NSD2: variants seen among roughly 807,000 people sequenced by gnomAD.
NSD2 encodes histone-lysine N-methyltransferase NSD2.
In NSD2, 12 loss-of-function variants were observed where a neutral mutation model predicts 139.0. The ratio of observed to expected loss-of-function variants is 0.09; its 90% CI spans 0.06 to 0.14. NSD2 has a LOEUF of 0.14. Ranked by LOEUF, NSD2 falls within the 10% of genes least tolerant of loss-of-function variation. The pLI, the probability that NSD2 is intolerant of heterozygous loss-of-function variation, is 1.00. For missense variants in NSD2, 1,155 were observed against 1,745.0 expected, an observed-to-expected ratio of 0.66 and a Z score of 6.02; for synonymous variants, 669 against 648.7, an observed-to-expected ratio of 1.03 and a Z score of -0.48.
In NSD2 at chr4:1,972,384, G is replaced by T. The variant is rs1035272432; in HGVS notation, c.3373-2479G>T. Among the ~76,000 whole-genome samples, 2 of 152,208 alleles carry T rather than the reference G, an allele frequency of 1.3e-5. No homozygotes were observed. The highest frequency in any genetic ancestry group is 4.8e-5 in the African/African-American group (2 of 41,448). On this transcript the variant is annotated intron_variant, in intron 18 of 21. Transcript: ENST00000508803. This position sits in a 1 kb window ranked among gnomAD's most constrained non-coding sequence, Gnocchi z 4.0. ...TAGGTGCGATAAAAATAGCAAAAAC[G>T]TTTAAATATACCTGGACAGGCAATT...
chr4:1,900,610 T>C lies in NSD2; in HGVS notation c.-29-16T>C. 1 of 1,471,302 alleles carries C rather than the reference T, an allele frequency of 6.8e-7. No homozygotes were observed. Among genetic ancestry groups the C allele is most frequent in the Non-Finnish European group, 9.1e-7 (1 of 1,103,336 alleles). The allele number at this position is 1,471,302 out of a possible 1,614,324, so 91.1% of individuals were successfully genotyped here. On this transcript the variant is annotated splice_polypyrimidine_tract_variant and intron_variant, in intron 1 of 21. Transcript: ENST00000508803. The stretch of plus-strand genomic sequence containing the variant: ...AATTGCTTTTTCTTTCTTTTTTCTT[T>C]TTTTTAATACCATAGTGTTCTAAGA...
chr4:1,959,770 T>TG, intron 17 of NSD2, 30 bp downstream of exon 17: 1 of 1,601,574 alleles, frequency 6.2e-7, no homozygotes, highest in Non-Finnish European at 8.6e-7. Flanking sequence ...CCCCTGCTTT[T>TG]GAGAAATTAC....
chr4:1,944,033 T>TA, intron 9 of NSD2: 2 of 1,065,052 alleles, frequency 1.9e-6, no homozygotes, highest in Non-Finnish European at 2.3e-6. Flanking sequence ...ATCAGCTGAA[T>TA]AACCAGGGGC....
At position 1,946,128 on chromosome 4, in the gene NSD2, G is replaced by T. The variant is rs1311447627; in HGVS notation, c.1882-4944G>T. 4 of 1,028,698 alleles carry T rather than the reference G, an allele frequency of 3.9e-6. No individual in the cohort carries two copies. In the African/African-American group the frequency reaches 6.8e-5, roughly 17 times the overall value. 63.7% of individuals were successfully genotyped at this position (1,028,698 alleles called of 1,614,324 possible). A position where few individuals can be genotyped will look rare whatever the true frequency, so the allele number is the denominator to read the frequency against. ...GAGGTGTGCGGTTTATCTTTGAGATGATAAAGCTAAATTATAGTCTTTTGC... is the reference window on the plus strand; with the variant it reads ...GAGGTGTGCGGTTTATCTTTGAGATTATAAAGCTAAATTATAGTCTTTTGC... On this transcript the variant is annotated intron_variant, in intron 9 of 21. Transcript: ENST00000508803.
At chr4:1,912,184 C>A in intron 3 of NSD2, 1 of 340,242 alleles carries the variant, frequency 2.9e-6, no homozygotes. Flanking sequence ...CTTCCTCTCT[C>A]CTCCCCAGAG....
rs1197175011 is a variant in NSD2, at chr4:1,978,702, C to T, written c.3891C>T (p.His1297=). 11 of 1,614,034 alleles carry T rather than the reference C, an allele frequency of 6.8e-6. No homozygotes were observed. Among genetic ancestry groups the T allele is most frequent in the Non-Finnish European group, 9.3e-6 (11 of 1,180,012 alleles). ...VCGKPSTSFC[H]LCPNSFCKEH... is the part of the protein sequence containing the mutation. ...GCAAACCTTCGACTTCATTTTGCCA[C>T]CTCTGCCCCAATTCGTTCTGTAAGG... The change falls in exon 22 of 22, where the codon CAC becomes CAT. Residue 1297 remains histidine (H), a synonymous_variant. Transcript: ENST00000508803.
intron 1 of NSD2, among the ~76,000 whole-genome samples, chr4:1,894,223 G>A (rs893149767): frequency 6.6e-6 from 1 of 151,990 alleles, no homozygotes; most frequent in African/African-American, 2.4e-5. Flanking sequence ...TCCCAAAGTG[G>A]TGGGATTACA....
chr4:1,927,209 A>C (rs562000026), intron 5 of NSD2, among the ~76,000 whole-genome samples: 1 of 152,268 alleles, frequency 6.6e-6, no homozygotes, highest in South Asian at 2.1e-4. Context: ...CTCCAGAGTA[A>C]GTGATCCAAG....
intron 3 of NSD2, among the ~76,000 whole-genome samples, chr4:1,915,350 G>A (rs1160971105): frequency 6.6e-6 from 1 of 152,006 alleles, no homozygotes; most frequent in Non-Finnish European, 1.5e-5. Flanking sequence ...TCCTGACCTC[G>A]TGGTCCGCCT....
rs1255507992 is a variant in NSD2, at chr4:1,980,442, CACATCCATCTTGCAGA to C, written c.*1534_*1549del. 4.3e-6 allele frequency: 1 copy of C among 233,034 alleles called. No homozygotes were observed. The highest frequency in any genetic ancestry group is 8.5e-6 in the Non-Finnish European group (1 of 118,006). The allele number at this position is 233,034 out of a possible 1,614,324, so 14.4% of individuals were successfully genotyped here. Reference sequence around the variant, plus strand: ...TTTTCTTAAAATAACCTAAGGGGGACACATCCATCTTGCAGAGAAGTTTACAGAACTCCCCTTGAAA... The same window carrying C: ...TTTTCTTAAAATAACCTAAGGGGGACGAAGTTTACAGAACTCCCCTTGAAA... On this transcript the variant is annotated 3_prime_UTR_variant, in exon 22 of 22. Coordinates refer to ENST00000508803, the MANE Select transcript of NSD2 (RefSeq NM_001042424.3).
rs1379039401 is a variant in NSD2 at position 1,918,521 on chromosome 4, G to T, written c.1308G>T (p.Gly436=). ...AGGCTGACCCCAGAAGAGGAGTAGGGTCTCCTCCTGGGAGGAAGAAGACCA... is the reference window on the plus strand; with the variant it reads ...AGGCTGACCCCAGAAGAGGAGTAGGTTCTCCTCCTGGGAGGAAGAAGACCA... The part of the protein sequence containing the change: ...TAEADPRRGV[G]SPPGRKKTTV... Residue 436 remains glycine (G), a synonymous_variant, in exon 5 of 22, where the codon GGG becomes GGT. Transcript: ENST00000508803. 6.2e-7 allele frequency: 1 copy of T among 1,613,920 alleles called. No individual in the cohort carries two copies. The highest frequency in any genetic ancestry group is 8.5e-7 in the Non-Finnish European group (1 of 1,179,932).
intron 3 of NSD2, among the ~76,000 whole-genome samples, chr4:1,908,838 G>A (rs947636207): frequency 6.6e-6 from 1 of 152,060 alleles, no homozygotes. Context: ...AGAGTACAGT[G>A]GCACAATCAT....
In NSD2 at chr4:1,939,712, G is replaced by A. The variant is rs745348599; in HGVS notation, c.1815G>A (p.Thr605=). Reference sequence around the variant, plus strand: ...TGAAGAAGCGAAATCGGGCTTCCACGGCAGCATCTTCAGCTCTTGGGTTTA... The same window carrying A: ...TGAAGAAGCGAAATCGGGCTTCCACAGCAGCATCTTCAGCTCTTGGGTTTA... ...KPLKKRNRAS[T]AASSALGFSK... Residue 605 remains threonine, a synonymous_variant, in exon 9 of 22, where the codon ACG becomes ACA. Coordinates refer to ENST00000508803, the MANE Select transcript of NSD2 (RefSeq NM_001042424.3). 19 of 1,614,066 alleles carry A rather than the reference G, an allele frequency of 1.2e-5. No homozygotes were observed. The highest frequency in any genetic ancestry group is 1.3e-5 in the Non-Finnish European group (15 of 1,180,048).
Position 1,975,307 on chromosome 4 carries a change from T to G in NSD2, c.3528T>G (p.Thr1176=), listed in dbSNP as rs1462065863. ...VCDIPAGTEL[T]FNYNLDCLGN... ...CTCTTCTCCCAGGGACGGAGCTGAC[T>G]TTTAACTACAACCTCGATTGTCTGG... Residue 1176 remains threonine, a synonymous_variant, in exon 20 of 22, where the codon ACT becomes ACG. Coordinates refer to ENST00000508803, the MANE Select transcript of NSD2 (RefSeq NM_001042424.3). 6.2e-7 allele frequency: 1 copy of G among 1,614,224 alleles called. No individual in the cohort carries two copies. Among genetic ancestry groups the G allele is most frequent in the Non-Finnish European group, 8.5e-7 (1 of 1,180,048 alleles).
At chr4:1,977,304 C>T (rs1228503709) in intron 21 of NSD2, among the ~76,000 whole-genome samples, 7 of 152,240 alleles carry the variant, frequency 4.6e-5, no homozygotes, top group Non-Finnish European at 1.0e-4. Flanking sequence ...TCTTGTTCCA[C>T]TTGGTGATGA....
intron 5 of NSD2, among the ~76,000 whole-genome samples, chr4:1,930,356 A>T (rs184231292): frequency 1.4e-3 from 211 of 152,288 alleles, no homozygotes; most frequent in Non-Finnish European, 2.0e-3. Context: ...AAGTATATAT[A>T]TATTTTTATC....
At chr4:1,946,776 G>A in intron 9 of NSD2, 1 of 1,050,770 alleles carries the variant, frequency 9.5e-7, no homozygotes, top group Non-Finnish European at 1.1e-6. Flanking sequence ...TTCCTATACT[G>A]GATGAGCAAG....
chr4:1,934,536 T>G (rs576361914), intron 6 of NSD2, among the ~76,000 whole-genome samples: 2 of 151,450 alleles, frequency 1.3e-5, no homozygotes, highest in Non-Finnish European at 2.9e-5. Context: ...TATTTAAATT[T>G]AATGCTTTAA....
chr4:1,935,436 G>A (rs933749917), intron 7 of NSD2, among the ~76,000 whole-genome samples, 174 bp downstream of exon 7: 2 of 152,216 alleles, frequency 1.3e-5, no homozygotes, highest in Admixed American at 1.3e-4. Context: ...ATTGAGAAAG[G>A]CTGCTTGCAG....
Sources: allele counts gnomAD v4.1 joint callset (sites outside exome capture counted in the v4.1 genomes callset), GRCh38; gene constraint gnomAD v4.1.1; non-coding constraint Gnocchi (gnomAD v3.1); transcripts MANE v1.5; gene names NCBI Gene and HGNC (gene_info 2026-07-23, HGNC 2026-07-21).